Variants in ADAMTS3 observed in about 807,000 individuals in gnomAD.
The protein encoded by ADAMTS3 is A disintegrin and metalloproteinase with thrombospondin motifs 3.
A neutral mutation model predicts 129.0 loss-of-function variants in ADAMTS3; 73 were observed. The observed-to-expected ratio is 0.57, with a 90% CI of 0.47 to 0.69. The LOEUF (loss-of-function observed/expected upper bound fraction) is 0.69. Among genes scored for constraint, ADAMTS3 ranks in the 30% least tolerant of loss-of-function variants. ADAMTS3 has a pLI of 0.00. For missense variants in ADAMTS3, 1,457 were observed against 1,514.5 expected (o/e 0.96, Z 0.63); for synonymous variants, 477 against 510.8 (o/e 0.93, Z 0.89).
chr4:72,511,563 C>T (rs1362483960), intron 3 of ADAMTS3, among the ~76,000 whole-genome samples: 1 of 152,104 alleles, frequency 6.6e-6, no homozygotes, highest in Non-Finnish European at 1.5e-5. Context: ...AACTACAATG[C>T]GATATTATCT....
chr4:72,336,470 T>C (rs1486456639), intron 5 of ADAMTS3, among the ~76,000 whole-genome samples: 1 of 152,190 alleles, frequency 6.6e-6, no homozygotes. Flanking sequence ...ACAGTATCGT[T>C]GGTTTCTCTT....
In ADAMTS3 at chr4:72,283,311, G is replaced by A. The variant is rs35780102; in HGVS notation, c.3443C>T (p.Pro1148Leu). 1.7e-3 allele frequency: 2,803 copies of A among 1,613,984 alleles called. 47 individuals carry two copies. In the African/African-American group the frequency reaches 0.034, roughly 19 times the overall value. ...GSKTVRLVTV[P>L]SSPPTKRVHL... Reference sequence around the variant, plus strand: ...GACCCTCTTGGTGGGTGGGGAGGATGGTACGGTGACCAGTCTCACAGTCTT... The same window carrying A: ...GACCCTCTTGGTGGGTGGGGAGGATAGTACGGTGACCAGTCTCACAGTCTT... Residue 1148 changes from proline to leucine, a missense_variant, in exon 22 of 22, where the codon CCA (proline) becomes CTA (leucine). Physicochemically the swap from Pro to Leu is moderately conservative, Grantham distance 98. Transcript: ENST00000286657.
intron 20 of ADAMTS3, among the ~76,000 whole-genome samples, chr4:72,289,549 TATC>T (rs1718604828): frequency 6.6e-6 from 1 of 152,192 alleles, no homozygotes; most frequent in Admixed American, 6.5e-5. Context: ...TGATATGTGT[TATC>T]ATTATCATCC....
chr4:72,343,587 C>T (rs1720195436), intron 4 of ADAMTS3, among the ~76,000 whole-genome samples: 1 of 152,136 alleles, frequency 6.6e-6, no homozygotes, highest in Non-Finnish European at 1.5e-5. Flanking sequence ...ACCTTTGAGC[C>T]TTTAGGGAGA....
At chr4:72,356,627 T>C (rs929543570) in intron 4 of ADAMTS3, among the ~76,000 whole-genome samples, 2 of 151,864 alleles carry the variant, frequency 1.3e-5, no homozygotes, top group Non-Finnish European at 2.9e-5. Flanking sequence ...TTCCAGATAA[T>C]TGTTTAGATA....
intron 6 of ADAMTS3, among the ~76,000 whole-genome samples, chr4:72,322,803 A>C (rs928261124): frequency 6.6e-6 from 1 of 152,168 alleles, no homozygotes; most frequent in African/African-American, 2.4e-5. Flanking sequence ...AGAAATAAAT[A>C]AGCAAGTGGC....
At chr4:72,476,206 C>A (rs1195904181) in intron 3 of ADAMTS3, among the ~76,000 whole-genome samples, 2 of 151,486 alleles carry the variant, frequency 1.3e-5, no homozygotes, top group Non-Finnish European at 2.9e-5. Flanking sequence ...TTGAAAAGAT[C>A]AATAAAACTG....
At chr4:72,316,637 G>A (rs956005399) in intron 10 of ADAMTS3, among the ~76,000 whole-genome samples, 1 of 151,820 alleles carries the variant, frequency 6.6e-6, no homozygotes, top group South Asian at 2.1e-4. Flanking sequence ...GCAGTGAGCC[G>A]AGATCAAGCC....
intron 4 of ADAMTS3, among the ~76,000 whole-genome samples, chr4:72,400,013 C>T (rs1188393558): frequency 2.2e-4 from 1 of 4,590 alleles, no homozygotes; most frequent in Non-Finnish European, 4.8e-4. Flanking sequence ...TATGCACACA[C>T]GGTGTGTATA....
At chr4:72,509,002 TAAACA>T (rs1720239024) in intron 3 of ADAMTS3, among the ~76,000 whole-genome samples, 1 of 151,942 alleles carries the variant, frequency 6.6e-6, no homozygotes, top group African/African-American at 2.4e-5. Flanking sequence ...ACATAGAAAC[TAAACA>T]ATATGCTCCT....
intron 6 of ADAMTS3, among the ~76,000 whole-genome samples, 198 bp downstream of exon 6, chr4:72,322,816 C>T (rs988132459): frequency 6.6e-6 from 1 of 152,290 alleles, no homozygotes; most frequent in Non-Finnish European, 1.5e-5. Flanking sequence ...CAAGTGGCAG[C>T]TGCACAAAAA....
chr4:72,381,906 A>T (rs1375878080), intron 4 of ADAMTS3, among the ~76,000 whole-genome samples: 6 of 152,190 alleles, frequency 3.9e-5, no homozygotes, highest in African/African-American at 1.4e-4. Context: ...ATCTTTGGGA[A>T]TGGGATCAGG....
chr4:72,469,771 T>A lies in ADAMTS3; in HGVS notation c.505-54800A>T, dbSNP rs573999322. Reference sequence around the variant, plus strand: ...GGACAACAGGGAATGAAAAGCTTGATGATGATCCACTCCCACTTAATGAAT... The same window carrying A: ...GGACAACAGGGAATGAAAAGCTTGAAGATGATCCACTCCCACTTAATGAAT... On this transcript the variant is annotated intron_variant, in intron 3 of 21. Transcript: ENST00000286657. 1.5e-3 allele frequency among the ~76,000 whole-genome samples: 235 copies of A among 152,310 alleles called. 1 individual carries two copies. The highest frequency in any genetic ancestry group is 2.5e-3 in the Non-Finnish European group (167 of 68,022).
chr4:72,308,154 A>T (rs1223237903), intron 15 of ADAMTS3, among the ~76,000 whole-genome samples: 1 of 151,936 alleles, frequency 6.6e-6, no homozygotes, highest in African/African-American at 2.4e-5. Context: ...ATTACATTTG[A>T]CTCCACTGAA....
intron 4 of ADAMTS3, among the ~76,000 whole-genome samples, chr4:72,349,601 AT>A (rs1334300211): frequency 2.0e-5 from 3 of 151,590 alleles, no homozygotes; most frequent in African/African-American, 7.3e-5. Flanking sequence ...AATGTTGCCT[AT>A]TTTTTTTCAG....
At chr4:72,340,563 A>C (rs1236496057) in intron 4 of ADAMTS3, among the ~76,000 whole-genome samples, 1 of 152,100 alleles carries the variant, frequency 6.6e-6, no homozygotes, top group Non-Finnish European at 1.5e-5. Context: ...ACTTTTATTC[A>C]AAGAAAAATA....
chr4:72,448,921 T>C, intron 3 of ADAMTS3, among the ~76,000 whole-genome samples: 1 of 151,916 alleles, frequency 6.6e-6, no homozygotes, highest in South Asian at 2.1e-4. Flanking sequence ...TCCAGTCAAA[T>C]TAGTACCTAA....
In ADAMTS3 at chr4:72,514,489, C is replaced by T. The variant is rs185781096; in HGVS notation, c.504+33989G>A. Among the ~76,000 whole-genome samples, 6 of 152,286 alleles carry T rather than the reference C, an allele frequency of 3.9e-5. 1 individual carries two copies. The highest frequency in any genetic ancestry group is 3.9e-4 in the Admixed American group (6 of 15,294). On this transcript the variant is annotated intron_variant, in intron 3 of 21. Coordinates refer to ENST00000286657, the MANE Select transcript of ADAMTS3 (RefSeq NM_014243.3). ...CAAATCAAGCTAAGAATAGCTGGCT[C>T]TTCTTTTCTGAGGAAAACTCTCTCG...
intron 4 of ADAMTS3, among the ~76,000 whole-genome samples, chr4:72,351,337 A>G (rs1019742663): frequency 1.3e-5 from 2 of 151,914 alleles, no homozygotes; most frequent in African/African-American, 2.4e-5. Context: ...TAAAATTTCA[A>G]CAGCCATTTA....
Sources: gnomAD v4.1 joint callset for allele counts (sites outside exome capture counted in the v4.1 genomes callset) on GRCh38, gnomAD v4.1.1 for gene constraint, MANE v1.5 for transcripts, NCBI Gene and HGNC (gene_info 2026-07-23, HGNC 2026-07-21) for gene names.